ASMTL: variants seen among roughly 807,000 people sequenced by gnomAD.
The protein encoded by ASMTL is acetylserotonin O-methyltransferase like.
Under a neutral mutation model 60.3 loss-of-function variants are expected in ASMTL, and 57 were observed. The ratio of observed to expected loss-of-function variants is 0.95; its 90% confidence interval spans 0.76 to 1.18. The LOEUF is 1.18. ASMTL is among the 50% of genes most tolerant of loss of function. ASMTL has a pLI of 0.00. For missense variants in ASMTL, 981 were observed against 852.6 expected, an observed-to-expected ratio of 1.15 and a Z score of -1.88; for synonymous variants, 419 against 373.0, an observed-to-expected ratio of 1.12 and a Z score of -1.42.
chrX:1,411,327 A>C (rs1489640693), intron 12 of ASMTL, among the ~76,000 whole-genome samples: 1 of 152,198 alleles, frequency 6.6e-6, no homozygotes, highest in Non-Finnish European at 1.5e-5. Context: ...CTCTGTGAAG[A>C]TAATTAACCG....
At chrX:1,407,503 G>A (rs1191570796) in intron 12 of ASMTL, among the ~76,000 whole-genome samples, 2 of 151,996 alleles carry the variant, frequency 1.3e-5, no homozygotes, top group Non-Finnish European at 1.5e-5. Flanking sequence ...GAGATGGATG[G>A]ATGGGTGAAT....
intron 1 of ASMTL, among the ~76,000 whole-genome samples, chrX:1,450,036 C>T (rs187635582): frequency 0.014 from 2,170 of 149,896 alleles, 51 homozygotes; most frequent in African/African-American, 0.05. Context: ...AGTAACTATC[C>T]CCCATCACCA....
chrX:1,410,667 C>G (rs1438255960), intron 12 of ASMTL, among the ~76,000 whole-genome samples: 5 of 151,998 alleles, frequency 3.3e-5, no homozygotes, highest in African/African-American at 1.2e-4. Context: ...CCGCTTTGGC[C>G]TCCCAAAGTG....
At chrX:1,414,666 C>G (rs1282244017) in intron 11 of ASMTL, among the ~76,000 whole-genome samples, 1 of 152,076 alleles carries the variant, frequency 6.6e-6, no homozygotes, top group East Asian at 1.9e-4. Context: ...TAAGATCACG[C>G]CACTGCACTC....
rs779453219 is a variant in ASMTL at position 1,427,940 on chromosome X, C to T, written c.691G>A (p.Ala231Thr). ...RRSVKHDSIPAADTFEDLSDV... is the reference protein window; with the variant it reads ...RRSVKHDSIPTADTFEDLSDV... ...CTGAGGTCTTCGAAGGTGTCCGCGG[C>T]CGGGATGGAGTCGTGCTTGACACTC... The change falls in exon 7 of 13, where the codon GCC becomes ACC. Residue 231 changes from alanine to threonine, a missense_variant. Coordinates refer to ENST00000381317, the MANE Select transcript of ASMTL (RefSeq NM_004192.4). The T allele has an allele frequency of 1.2e-6, 2 of 1,613,450 alleles. No individual in the cohort carries two copies. The highest frequency in any genetic ancestry group is 1.7e-6 in the Non-Finnish European group (2 of 1,179,820).
At chrX:1,423,499 T>C (rs1324379675) in intron 8 of ASMTL, among the ~76,000 whole-genome samples, 1 of 152,094 alleles carries the variant, frequency 6.6e-6, no homozygotes, top group Non-Finnish European at 1.5e-5. Context: ...AGCACCATGC[T>C]GAAGAGTTCT....
At chrX:1,414,437 G>T (rs770299129) in intron 11 of ASMTL, among the ~76,000 whole-genome samples, 1 of 152,120 alleles carries the variant, frequency 6.6e-6, no homozygotes, top group Non-Finnish European at 1.5e-5. Context: ...TAGCATTTCC[G>T]GCCGGGCGGG....
chrX:1,425,721 TC>T, intron 7 of ASMTL, 34 bp from the exon 8 acceptor site: 3 of 1,603,984 alleles, frequency 1.9e-6, no homozygotes, highest in Non-Finnish European at 2.6e-6. Context: ...ACTCATTAAG[TC>T]CCTTGTCCAG....
intron 9 of ASMTL, 141 bp from the exon 10 acceptor site, chrX:1,419,255 T>C: frequency 1.1e-6 from 1 of 924,326 alleles, no homozygotes; most frequent in Non-Finnish European, 1.6e-6. Flanking sequence ...GCGGGCTTCA[T>C]GCCACAGCTG....
In ASMTL at chrX:1,431,350, AATTAT is replaced by A. The variant is rs1339322091; in HGVS notation, c.509+914_509+918del. Among the ~76,000 whole-genome samples, 12 of 132,458 alleles carry A rather than the reference AATTAT, an allele frequency of 9.1e-5. No individual in the cohort carries two copies. The South Asian group carries it at 2.3e-3, about 26-fold the overall frequency. The allele number at this position is 132,458 out of a possible 152,430, so 86.9% of individuals were successfully genotyped here. ...ATAATTATAAATAATTATAAATATAAATTATATAATTTATATATAATTATAATCGA... is the reference window on the plus strand; with the variant it reads ...ATAATTATAAATAATTATAAATATAAATAATTTATATATAATTATAATCGA... On this transcript the variant is annotated intron_variant, in intron 6 of 12. Coordinates refer to ENST00000381317, the MANE Select transcript of ASMTL (RefSeq NM_004192.4).
At position 1,421,750 on chromosome X, in the gene ASMTL, A is replaced by G; in HGVS notation, c.1153T>C (p.Trp385Arg). Residue 385 changes from tryptophan to arginine, a missense_variant, in exon 9 of 13, where the codon TGG becomes CGG. By Grantham distance (101) the Trp-to-Arg change is moderately radical. Coordinates refer to ENST00000381317, the MANE Select transcript of ASMTL (RefSeq NM_004192.4). ...GFIMHNNDLTWNLFTYLEFAI... is the reference protein window; with the variant it reads ...GFIMHNNDLTRNLFTYLEFAI... ...AACTCCAGGTATGTAAAGAGGTTCC[A>G]TGTGAGGTCATTATTGTGCATGATG... 1 of 1,613,868 alleles carries G rather than the reference A, an allele frequency of 6.2e-7. No individual in the cohort carries two copies. Among genetic ancestry groups the G allele is most frequent in the South Asian group, 1.1e-5 (1 of 91,062 alleles).
chrX:1,430,413 TG>T (rs1450006746), intron 6 of ASMTL, among the ~76,000 whole-genome samples: 27 of 152,162 alleles, frequency 1.8e-4, no homozygotes, highest in African/African-American at 6.0e-4. Context: ...TTATTTCAAT[TG>T]ATGTAAAATC....
At chrX:1,428,442 G>C (rs1165214306) in intron 6 of ASMTL, among the ~76,000 whole-genome samples, 2 of 151,714 alleles carry the variant, frequency 1.3e-5, no homozygotes, top group Admixed American at 6.6e-5. Context: ...AGAAGTTCAA[G>C]ACCAGCCTGG....
chrX:1,441,939 A>C (rs2091118765), intron 2 of ASMTL: 3 of 517,338 alleles, frequency 5.8e-6, no homozygotes, highest in Non-Finnish European at 1.0e-5. Flanking sequence ...CATCAATGAT[A>C]CTGTATCAAT....
chrX:1,413,752 T>C (rs2090125847), intron 11 of ASMTL: 1 of 152,214 alleles, frequency 6.6e-6, no homozygotes, highest in Non-Finnish European at 1.5e-5. Context: ...ATGACAGGTG[T>C]CCTTCTAAGA....
intron 9 of ASMTL, 53 bp downstream of exon 9, chrX:1,421,605 T>C: frequency 1.9e-6 from 3 of 1,600,410 alleles, no homozygotes; most frequent in Non-Finnish European, 2.6e-6. Context: ...TGTCAAAGTG[T>C]TTTAGCAAAA....
chrX:1,414,492 G>C (rs1279932161), intron 11 of ASMTL, among the ~76,000 whole-genome samples: 4 of 152,148 alleles, frequency 2.6e-5, no homozygotes, highest in Admixed American at 2.0e-4. Context: ...TGGATGACCT[G>C]AGGTGAGGAG....
At chrX:1,450,267 C>T (rs184511158) in intron 1 of ASMTL, among the ~76,000 whole-genome samples, 178 of 152,048 alleles carry the variant, frequency 1.2e-3, no homozygotes, top group African/African-American at 4.2e-3. Context: ...ACTACCTAGG[C>T]GTCCTACCAC....
intron 11 of ASMTL, among the ~76,000 whole-genome samples, chrX:1,416,355 GCACA>G (rs374210924): frequency 1.3e-5 from 1 of 77,390 alleles, no homozygotes; most frequent in South Asian, 3.1e-4. Flanking sequence ...ACAGTGACAG[GCACA>G]CACAGACGCA....
Sources: gnomAD v4.1 joint callset for allele counts (sites outside exome capture counted in the v4.1 genomes callset) on GRCh38, gnomAD v4.1.1 for gene constraint, MANE v1.5 for transcripts, NCBI Gene and HGNC (gene_info 2026-07-23, HGNC 2026-07-21) for gene names.